Variants in SHC4 observed in about 807,000 individuals in gnomAD.
SHC4 encodes the protein SHC adaptor protein 4.
Under a neutral mutation model 69.4 loss-of-function variants are expected in SHC4, and 41 were observed. The ratio of observed to expected loss-of-function variants is 0.59; its 90% CI spans 0.46 to 0.77. The LOEUF (loss-of-function observed/expected upper bound fraction) is 0.77. Ranked by LOEUF, SHC4 falls within the 30% of genes least tolerant of loss-of-function variation. The pLI is 0.00. For missense variants in SHC4, 777 were observed against 783.8 expected (o/e 0.99, Z 0.10); for synonymous variants, 318 against 299.3 (o/e 1.06, Z -0.64).
intron 2 of SHC4, among the ~76,000 whole-genome samples, chr15:48,905,399 ACT>A (rs1900390201): frequency 6.6e-6 from 1 of 152,104 alleles, no homozygotes; most frequent in South Asian, 2.1e-4. Context: ...CCCAGGGCAC[ACT>A]CTGAGCTTTC....
chr15:48,911,644 G>T (rs542423565), intron 2 of SHC4, among the ~76,000 whole-genome samples: 15 of 152,056 alleles, frequency 9.9e-5, no homozygotes, highest in South Asian at 8.3e-4. Flanking sequence ...GGTTTTTTTT[G>T]TTGTTGTTGT....
chr15:48,893,440 G>A (rs965424543), intron 2 of SHC4, among the ~76,000 whole-genome samples: 40 of 152,292 alleles, frequency 2.6e-4, no homozygotes, highest in African/African-American at 9.4e-4. Context: ...AGCACAAAAA[G>A]CAGCCTTAGC....
At chr15:48,882,130 A>G (rs1899957885) in intron 4 of SHC4, among the ~76,000 whole-genome samples, 2 of 152,180 alleles carry the variant, frequency 1.3e-5, no homozygotes, top group South Asian at 4.1e-4. Flanking sequence ...CTTGTGCTGT[A>G]TCCACAAGGT....
intron 9 of SHC4, among the ~76,000 whole-genome samples, chr15:48,849,130 T>C (rs1899155418): frequency 6.6e-6 from 1 of 152,112 alleles, no homozygotes; most frequent in Non-Finnish European, 1.5e-5. Context: ...ACACTCATCT[T>C]TCTCTCTTTA....
intron 2 of SHC4, among the ~76,000 whole-genome samples, chr15:48,923,544 C>CAAAAAAAAAAAA (rs3075016): frequency 7.5e-5 from 7 of 93,002 alleles, no homozygotes; most frequent in African/African-American, 1.7e-4. Context: ...GACTCTGTCT[C>CAAAAAAAAAAAA]AAAAAAAAAA....
intron 1 of SHC4, among the ~76,000 whole-genome samples, chr15:48,941,803 C>T (rs913574383): frequency 1.3e-5 from 2 of 152,104 alleles, no homozygotes; most frequent in South Asian, 2.1e-4. Flanking sequence ...ATGGATATAC[C>T]GGGTAGTGGT....
At chr15:48,892,192 T>C (rs1184621957) in intron 2 of SHC4, among the ~76,000 whole-genome samples, 1 of 152,180 alleles carries the variant, frequency 6.6e-6, no homozygotes, top group African/African-American at 2.4e-5. Context: ...TATGATATTT[T>C]GTAGTGCAGA....
intron 6 of SHC4, among the ~76,000 whole-genome samples, chr15:48,859,462 G>A (rs146844482): frequency 1.3e-5 from 2 of 152,088 alleles, no homozygotes; most frequent in African/African-American, 4.8e-5. Flanking sequence ...AGCTAATTCC[G>A]GTTTTGAAAC....
chr15:48,939,859 C>T (rs1901142443), intron 1 of SHC4, among the ~76,000 whole-genome samples: 1 of 152,208 alleles, frequency 6.6e-6, no homozygotes, highest in Non-Finnish European at 1.5e-5. Flanking sequence ...GCTGGATGTC[C>T]TCTGCTCTGA....
chr15:48,851,071 T>G, intron 9 of SHC4, 117 bp downstream of exon 9: 1 of 871,682 alleles, frequency 1.1e-6, no homozygotes, highest in East Asian at 2.6e-5. Flanking sequence ...AAGGATTATG[T>G]GTTTAGTGGT....
chr15:48,890,825 A>G lies in SHC4; in HGVS notation c.657-14T>C, dbSNP rs1900123372. On this transcript the variant is annotated splice_polypyrimidine_tract_variant and intron_variant, in intron 2 of 11. Transcript: ENST00000332408. ...CTTATTGCTTCCCTAAAGAACAGAAACCATATAAATAAAGACTTAGCATAC... is the reference window on the plus strand; with the variant it reads ...CTTATTGCTTCCCTAAAGAACAGAAGCCATATAAATAAAGACTTAGCATAC... 1 of 1,613,954 alleles carries G rather than the reference A, an allele frequency of 6.2e-7. No homozygotes were observed. The highest frequency in any genetic ancestry group is 1.1e-5 in the South Asian group (1 of 91,080).
At chr15:48,831,464 C>T (rs1437264389) in intron 11 of SHC4, among the ~76,000 whole-genome samples, 2 of 152,102 alleles carry the variant, frequency 1.3e-5, no homozygotes, top group East Asian at 1.9e-4. Context: ...TTTCACTGCA[C>T]CTTTTCTATG....
At position 48,858,098 on chromosome 15, in the gene SHC4, A is replaced by G. The variant is rs1018528984; in HGVS notation, c.947-283T>C. The stretch of plus-strand genomic sequence containing the variant: ...ATTTTTACAAAAGCACACTGATTTG[A>G]CTAATAATGTGACTAATGTTTAACT... On this transcript the variant is annotated intron_variant, in intron 6 of 11. Transcript: ENST00000332408. Among the ~76,000 whole-genome samples the G allele has an allele frequency of 5.9e-5, 9 of 152,184 alleles. 1 individual carries two copies. The highest frequency in any genetic ancestry group is 6.3e-3 in the Middle Eastern group (2 of 316).
At chr15:48,908,727 A>G (rs1427806319) in intron 2 of SHC4, among the ~76,000 whole-genome samples, 1 of 152,220 alleles carries the variant, frequency 6.6e-6, no homozygotes, top group Non-Finnish European at 1.5e-5. Context: ...TGATTTTTGT[A>G]TAAGGTGAGT....
chr15:48,907,098 G>A (rs1250727675), intron 2 of SHC4, among the ~76,000 whole-genome samples: 1 of 151,662 alleles, frequency 6.6e-6, no homozygotes, highest in African/African-American at 2.4e-5. Flanking sequence ...TCTACAATAA[G>A]CCAGATTTAC....
In SHC4 at chr15:48,890,804, T is replaced by C. The variant is rs747211378; in HGVS notation, c.664A>G (p.Ile222Val). ...GGGACAGCTTCACACAGGCGACTTA[T>C]TGCTTCCCTAAAGAACAGAAACCAT... Reference protein sequence around the residue: ...GMRTQVTREAISRLCEAVPGA... With the variant: ...GMRTQVTREAVSRLCEAVPGA... The change falls in exon 3 of 12, where the codon ATA (isoleucine) becomes GTA (valine). Residue 222 changes from isoleucine to valine, a missense_variant. Physicochemically the swap from Ile to Val is conservative, Grantham distance 29. Coordinates refer to ENST00000332408, the MANE Select transcript of SHC4 (RefSeq NM_203349.4). The C allele has an allele frequency of 4.3e-6, 7 of 1,614,080 alleles. No individual in the cohort carries two copies. The highest frequency in any genetic ancestry group is 2.7e-5 in the African/African-American group (2 of 74,944).
At chr15:48,881,315 A>T (rs1899941285) in intron 4 of SHC4, among the ~76,000 whole-genome samples, 1 of 151,614 alleles carries the variant, frequency 6.6e-6, no homozygotes, top group South Asian at 2.1e-4. Flanking sequence ...TTAAAGTAAA[A>T]GATCTGGGAG....
chr15:48,831,787 T>C (rs1376275762), intron 11 of SHC4, among the ~76,000 whole-genome samples: 1 of 152,248 alleles, frequency 6.6e-6, no homozygotes, highest in Non-Finnish European at 1.5e-5. Flanking sequence ...AATATTACAG[T>C]ATTCTGTGTT....
intron 2 of SHC4, among the ~76,000 whole-genome samples, chr15:48,916,935 T>C (rs1234662880): frequency 1.3e-5 from 2 of 152,192 alleles, no homozygotes; most frequent in African/African-American, 4.8e-5. Context: ...CTGCCAATGG[T>C]GTGCTCCGCC....
Sources: gnomAD v4.1 joint callset for allele counts (sites outside exome capture counted in the v4.1 genomes callset) on GRCh38, gnomAD v4.1.1 for gene constraint, MANE v1.5 for transcripts, NCBI Gene and HGNC (gene_info 2026-07-23, HGNC 2026-07-21) for gene names.